UHRF1: variants seen among roughly 807,000 people sequenced by gnomAD.
UHRF1 encodes the protein ubiquitin like with PHD and ring finger domains 1.
In UHRF1, 9 loss-of-function variants were observed where a neutral mutation model predicts 96.5. The ratio of observed to expected loss-of-function variants is 0.09; its 90% confidence interval spans 0.06 to 0.16. The LOEUF (loss-of-function observed/expected upper bound fraction) is 0.16. Among genes scored for constraint, UHRF1 ranks in the 10% least tolerant of loss-of-function variants. The pLI is 1.00. For synonymous variants in UHRF1, 455 were observed against 469.9 expected, an observed-to-expected ratio of 0.97 and a Z score of 0.41; for missense variants, 626 against 1,131.1, an observed-to-expected ratio of 0.55 and a Z score of 6.40.
intron 16 of UHRF1, among the ~76,000 whole-genome samples, chr19:4,959,329 TA>T (rs544228355): frequency 2.0e-5 from 3 of 150,810 alleles, no homozygotes; most frequent in South Asian, 4.2e-4. Flanking sequence ...GACTCTATCT[TA>T]AAAAAAAACA....
intron 5 of UHRF1, among the ~76,000 whole-genome samples, chr19:4,940,682 T>A (rs919487743): frequency 6.6e-6 from 1 of 151,432 alleles, no homozygotes; most frequent in Admixed American, 6.6e-5. Context: ...ATTTATATAT[T>A]TTTTTGATGA....
At chr19:4,917,677 AGAG>A (rs2032569382) in intron 2 of UHRF1, among the ~76,000 whole-genome samples, 3 of 148,970 alleles carry the variant, frequency 2.0e-5, no homozygotes, top group African/African-American at 7.4e-5. Context: ...AAAAAAAAAA[AGAG>A]ACAAGGTCTT....
Position 4,938,064 on chromosome 19 carries a change from G to T in UHRF1, c.786-3464G>T, listed in dbSNP as rs144317682. Among the ~76,000 whole-genome samples, 1,008 of 152,042 alleles carry T rather than the reference G, an allele frequency of 6.6e-3. 13 individuals carry two copies. The highest frequency in any genetic ancestry group is 0.023 in the African/African-American group (944 of 41,496). On this transcript the variant is annotated intron_variant, in intron 5 of 16. Transcript: ENST00000650932. ...AGCTACTTGGGAGGCTGAGGCAGGA[G>T]AATCGTTTGAACCTGGGAGGTGGAG...
chr19:4,960,208 G>A (rs192250318), intron 16 of UHRF1, among the ~76,000 whole-genome samples: 176 of 152,316 alleles, frequency 1.2e-3, no homozygotes, highest in African/African-American at 4.0e-3. Flanking sequence ...TGTTGAGAGA[G>A]AACACAGCCT....
intron 2 of UHRF1, among the ~76,000 whole-genome samples, chr19:4,924,027 C>T (rs568153307): frequency 2.6e-5 from 4 of 152,322 alleles, no homozygotes; most frequent in African/African-American, 9.6e-5. Flanking sequence ...AGTGCAGTGG[C>T]GAGATCCTGG....
intron 2 of UHRF1, among the ~76,000 whole-genome samples, chr19:4,919,714 T>G (rs1289688547): frequency 6.6e-6 from 1 of 152,164 alleles, no homozygotes; most frequent in Non-Finnish European, 1.5e-5. Flanking sequence ...AGGGCTGAGG[T>G]GGTGTCATTT....
intron 2 of UHRF1, among the ~76,000 whole-genome samples, chr19:4,915,256 C>T (rs2032447354): frequency 6.6e-6 from 1 of 152,184 alleles, no homozygotes; most frequent in South Asian, 2.1e-4. Context: ...AGGGTCCCCA[C>T]CACCAGCTCC....
At chr19:4,952,540 T>A (rs768111806) in intron 13 of UHRF1, among the ~76,000 whole-genome samples, 1 of 151,452 alleles carries the variant, frequency 6.6e-6, no homozygotes, top group Non-Finnish European at 1.5e-5. Flanking sequence ...ATCACAGGTG[T>A]GTACCACCAT....
rs2602711 is a variant in UHRF1, at chr19:4,912,059, A to G, written c.153+1021A>G. Among the ~76,000 whole-genome samples, 875 of 152,248 alleles carry G rather than the reference A, an allele frequency of 5.7e-3. 14 individuals carry two copies. Among genetic ancestry groups the G allele is most frequent in the African/African-American group, 0.02 (834 of 41,532 alleles). On this transcript the variant is annotated intron_variant, in intron 2 of 16. Transcript: ENST00000650932. The stretch of plus-strand genomic sequence containing the variant: ...TGCTCACTCCAGATGAGACCTGATG[A>G]TTAATTTCTCTGGCTTGCATGCCAT...
intron 5 of UHRF1, among the ~76,000 whole-genome samples, chr19:4,939,753 A>G (rs528881608): frequency 1.9e-4 from 29 of 152,140 alleles, no homozygotes; most frequent in African/African-American, 4.3e-4. Context: ...TGCCAGGCGC[A>G]GTGGCTCATG....
intron 2 of UHRF1, among the ~76,000 whole-genome samples, chr19:4,922,422 C>T (rs1321872037): frequency 2.6e-5 from 4 of 151,564 alleles, no homozygotes; most frequent in Non-Finnish European, 4.4e-5. Flanking sequence ...CCCACCACCA[C>T]GCCCGGGTAA....
intron 1 of UHRF1, 146 bp downstream of exon 1, chr19:4,909,801 C>T (rs2032179002): frequency 2.3e-6 from 1 of 444,060 alleles, no homozygotes; most frequent in Non-Finnish European, 4.0e-6. Flanking sequence ...TTCCACCTAA[C>T]CCTCGGGAAT....
At chr19:4,942,139 C>T (rs554147632) in intron 7 of UHRF1, among the ~76,000 whole-genome samples, 2 of 152,096 alleles carry the variant, frequency 1.3e-5, no homozygotes, top group Non-Finnish European at 2.9e-5. Context: ...GACGTAGAGA[C>T]TCTGTTTCTT....
chr19:4,918,525 C>T (rs74172671), intron 2 of UHRF1, among the ~76,000 whole-genome samples: 1 of 151,516 alleles, frequency 6.6e-6, no homozygotes, highest in East Asian at 1.9e-4. Context: ...TCAAGCAATT[C>T]TGCGTCAGCC....
At chr19:4,904,751 TG>T, upstream of UHRF1, among the ~76,000 whole-genome samples, 1 of 152,270 alleles carries the variant, frequency 6.6e-6, no homozygotes, top group East Asian at 1.9e-4. Context: ...GGAGTGGGTG[TG>T]GGGGGTGGAA....
At chr19:4,949,707 G>A (rs952996039) in intron 11 of UHRF1, among the ~76,000 whole-genome samples, 5 of 152,034 alleles carry the variant, frequency 3.3e-5, no homozygotes, top group African/African-American at 7.2e-5. Context: ...GGTTATGGTC[G>A]TGTGGGCCTA....
At chr19:4,933,651 C>T (rs1214981590) in intron 5 of UHRF1, among the ~76,000 whole-genome samples, 2 of 152,170 alleles carry the variant, frequency 1.3e-5, no homozygotes, top group African/African-American at 4.8e-5. Context: ...CCCTTTTTGG[C>T]GACATCACTG....
chr19:4,919,823 A>AT (rs948194669), intron 2 of UHRF1, among the ~76,000 whole-genome samples: 22 of 120,984 alleles, frequency 1.8e-4, no homozygotes, highest in East Asian at 8.2e-4. Context: ...TATTGTTAAT[A>AT]TTTTTTTTTT....
At chr19:4,906,275 A>T (rs951619753), upstream of UHRF1, among the ~76,000 whole-genome samples, 2 of 152,154 alleles carry the variant, frequency 1.3e-5, no homozygotes, top group Non-Finnish European at 2.9e-5. Context: ...CACTGCACCC[A>T]GCTGGACAAT....
Sources: gnomAD v4.1 joint callset for allele counts (sites outside exome capture counted in the v4.1 genomes callset) on GRCh38, gnomAD v4.1.1 for gene constraint, MANE v1.5 for transcripts, NCBI Gene and HGNC (gene_info 2026-07-23, HGNC 2026-07-21) for gene names.